Variants in LRP1B observed in about 807,000 individuals in gnomAD.
LRP1B encodes the protein LDL receptor related protein 1B.
A neutral mutation model predicts 556.6 loss-of-function variants in LRP1B; 217 were observed. The observed-to-expected ratio is 0.39, with a 90% CI of 0.35 to 0.44. The LOEUF (loss-of-function observed/expected upper bound fraction) is 0.44, where lower values mean the gene tolerates loss of function less well. LRP1B is among the 20% of genes least tolerant of loss of function. LRP1B has a pLI of 1.00. For synonymous variants in LRP1B, 2,047 were observed against 1,865.8 expected (o/e 1.10, Z -2.50); for missense variants, 5,053 against 5,620.8 (o/e 0.90, Z 3.23).
At chr2:140,817,661 TAA>T (rs1430509573) in intron 31 of LRP1B, among the ~76,000 whole-genome samples, 5 of 152,012 alleles carry the variant, frequency 3.3e-5, no homozygotes, top group Non-Finnish European at 5.9e-5. Context: ...CTGAAAAAAT[TAA>T]GTTTGTTAAG....
chr2:140,547,071 C>T (rs1238627970), intron 43 of LRP1B, among the ~76,000 whole-genome samples: 4 of 152,050 alleles, frequency 2.6e-5, no homozygotes, highest in Non-Finnish European at 2.9e-5. Context: ...TTCTTGAGAA[C>T]TTTTGCTATC....
rs386391339 is a variant in LRP1B at position 140,285,012 on chromosome 2, CTG to C, written c.12968-10416_12968-10415del. Reference sequence around the variant, plus strand: ...CATATCCATATACCTAGATATCTCTCTGTGTGTGTGTGTGTATATATATATAT... The same window carrying C: ...CATATCCATATACCTAGATATCTCTCTGTGTGTGTGTGTATATATATATAT... On this transcript the variant is annotated intron_variant, in intron 84 of 90. Transcript: ENST00000389484. 2.3e-3 allele frequency among the ~76,000 whole-genome samples: 328 copies of C among 140,900 alleles called. 4 individuals are homozygous for C. Among genetic ancestry groups the C allele is most frequent in the African/African-American group, 8.1e-3 (317 of 39,306 alleles). 92.4% of individuals were successfully genotyped at this position (140,900 alleles called of 152,430 possible). A position where few individuals can be genotyped will look rare whatever the true frequency, so the allele number is the denominator to read the frequency against.
At chr2:141,089,595 GGTTTA>G (rs534133844) in intron 7 of LRP1B, among the ~76,000 whole-genome samples, 95 of 152,304 alleles carry the variant, frequency 6.2e-4, no homozygotes, top group Middle Eastern at 3.4e-3. Context: ...ATTGGATCTA[GGTTTA>G]GCATGCTACC....
At chr2:140,747,693 G>C (rs1029491800) in intron 35 of LRP1B, among the ~76,000 whole-genome samples, 5 of 152,002 alleles carry the variant, frequency 3.3e-5, no homozygotes, top group African/African-American at 9.7e-5. Flanking sequence ...GAATAGGTAA[G>C]GTCTTAAATC....
chr2:140,278,169 A>C (rs971871510), intron 84 of LRP1B, among the ~76,000 whole-genome samples: 2 of 151,966 alleles, frequency 1.3e-5, no homozygotes, highest in African/African-American at 4.8e-5. Flanking sequence ...AGTTAAGTTG[A>C]ATCTATGGTT....
At chr2:141,625,397 T>G (rs2105342035) in intron 2 of LRP1B, among the ~76,000 whole-genome samples, 1 of 152,328 alleles carries the variant, frequency 6.6e-6, no homozygotes, top group African/African-American at 2.4e-5. Context: ...CCATTCTAAT[T>G]AGGACAAAGA....
chr2:142,036,060 A>G (rs191140578), intron 1 of LRP1B, among the ~76,000 whole-genome samples: 31 of 151,802 alleles, frequency 2.0e-4, no homozygotes, highest in Non-Finnish European at 2.9e-4. Flanking sequence ...ATGTAAATCC[A>G]ATTAAACCTT....
At chr2:141,114,936 A>G (rs1922697) in intron 7 of LRP1B, among the ~76,000 whole-genome samples, 88,089 of 151,892 alleles carry the variant, frequency 0.58, 26,941 homozygotes, top group Middle Eastern at 0.77. Flanking sequence ...TGATTCTATT[A>G]AAACCGCACC....
chr2:141,158,721 C>A (rs890611922), intron 7 of LRP1B, among the ~76,000 whole-genome samples: 1 of 152,142 alleles, frequency 6.6e-6, no homozygotes, highest in Admixed American at 6.6e-5. Flanking sequence ...CAGTCGGAAT[C>A]CTTCTGTCTG....
chr2:141,866,687 T>A (rs1698423258), intron 1 of LRP1B, among the ~76,000 whole-genome samples: 1 of 151,798 alleles, frequency 6.6e-6, no homozygotes, highest in Non-Finnish European at 1.5e-5. Context: ...AACACAGCTC[T>A]ATTTGGTATT....
chr2:141,017,710 G>A (rs1477055660), intron 12 of LRP1B, among the ~76,000 whole-genome samples: 1 of 151,406 alleles, frequency 6.6e-6, no homozygotes, highest in Non-Finnish European at 1.5e-5. Flanking sequence ...AATATATATT[G>A]TGGGCCAGGC....
chr2:141,865,521 G>A (rs1698381539), intron 1 of LRP1B, among the ~76,000 whole-genome samples: 1 of 147,122 alleles, frequency 6.8e-6, no homozygotes, highest in Admixed American at 6.7e-5. Flanking sequence ...GAACCCGGGA[G>A]GCGGAGCTTG....
At chr2:141,853,290 A>C (rs1697926586) in intron 1 of LRP1B, among the ~76,000 whole-genome samples, 1 of 151,570 alleles carries the variant, frequency 6.6e-6, no homozygotes, top group African/African-American at 2.4e-5. Context: ...TGTTCTTAAA[A>C]AGCTGCCCAC....
chr2:141,416,253 G>A (rs938544591), intron 3 of LRP1B, among the ~76,000 whole-genome samples: 1 of 152,118 alleles, frequency 6.6e-6, no homozygotes, highest in Non-Finnish European at 1.5e-5. Context: ...GAGGTTGCCT[G>A]AGGTAAGATT....
chr2:140,388,550 G>T (rs978959265), intron 66 of LRP1B, among the ~76,000 whole-genome samples: 4 of 151,470 alleles, frequency 2.6e-5, no homozygotes, highest in African/African-American at 7.3e-5. Context: ...TTTCCTTTTG[G>T]GGCATGAAGA....
intron 25 of LRP1B, among the ~76,000 whole-genome samples, chr2:140,879,950 T>TAA (rs34768520): frequency 3.6e-5 from 5 of 138,682 alleles, no homozygotes; most frequent in East Asian, 4.2e-4. Flanking sequence ...TGATCCTGGT[T>TAA]AAAAAAAAAA....
chr2:140,888,367 A>C (rs1303453801), intron 23 of LRP1B, among the ~76,000 whole-genome samples: 1 of 152,078 alleles, frequency 6.6e-6, no homozygotes, highest in African/African-American at 2.4e-5. Flanking sequence ...AAATTTGAAA[A>C]TAATAACAAA....
chr2:141,717,782 A>C (rs2105491191), intron 2 of LRP1B, among the ~76,000 whole-genome samples: 1 of 152,330 alleles, frequency 6.6e-6, no homozygotes, highest in African/African-American at 2.4e-5. Context: ...TGATACTTTA[A>C]ATTTTGGAAT....
chr2:140,235,805 AG>A (rs1346240696), intron 89 of LRP1B, among the ~76,000 whole-genome samples: 2 of 150,462 alleles, frequency 1.3e-5, no homozygotes, highest in Non-Finnish European at 3.0e-5. Context: ...AAAAATGATG[AG>A]GAAAAAATAA....
Sources: gnomAD v4.1 joint callset for allele counts (sites outside exome capture counted in the v4.1 genomes callset) on GRCh38, gnomAD v4.1.1 for gene constraint, MANE v1.5 for transcripts, NCBI Gene and HGNC (gene_info 2026-07-23, HGNC 2026-07-21) for gene names.